GSE1: variants seen among roughly 807,000 people sequenced by gnomAD.
The protein encoded by GSE1 is Gse1 coiled-coil protein, also known as genetic suppressor element 1.
A neutral mutation model predicts 112.6 loss-of-function variants in GSE1; 32 were observed. That is an observed-to-expected ratio of 0.28 (90% CI 0.21 to 0.38). The LOEUF (loss-of-function observed/expected upper bound fraction) is 0.38. Among genes scored for constraint, GSE1 ranks in the 10% least tolerant of loss-of-function variants. GSE1 has a pLI of 1.00. For synonymous variants in GSE1, 1,115 were observed against 735.6 expected (o/e 1.52, Z -8.35); for missense variants, 2,348 against 1,699.2 (o/e 1.38, Z -6.71).
chr16:85,241,145 C>T (rs1567632414), intron 1 of GSE1, among the ~76,000 whole-genome samples: 1 of 151,942 alleles, frequency 6.6e-6, no homozygotes, highest in Non-Finnish European at 1.5e-5. Context: ...CTGATACTTC[C>T]TAGCTGCGTG....
At chr16:85,498,763 G>A (rs1404281197) in intron 2 of GSE1, among the ~76,000 whole-genome samples, 1 of 152,242 alleles carries the variant, frequency 6.6e-6, no homozygotes, top group Admixed American at 6.5e-5. Flanking sequence ...CTTCGGCTTG[G>A]GCAGTGGTGC....
intron 1 of GSE1, among the ~76,000 whole-genome samples, chr16:85,626,194 C>T (rs1326565698): frequency 6.6e-6 from 1 of 151,970 alleles, no homozygotes; most frequent in Non-Finnish European, 1.5e-5. Context: ...AGCAAGAAGA[C>T]CTCTCCCCAG....
intron 2 of GSE1, among the ~76,000 whole-genome samples, chr16:85,372,377 G>T (rs2047319105): frequency 6.6e-6 from 1 of 151,700 alleles, no homozygotes; most frequent in South Asian, 2.1e-4. Flanking sequence ...TACCCTGGAG[G>T]CTGAGGTGGG....
chr16:85,504,028 C>T (rs1456749108), intron 2 of GSE1, among the ~76,000 whole-genome samples: 5 of 152,338 alleles, frequency 3.3e-5, no homozygotes, highest in Non-Finnish European at 7.3e-5. Context: ...TGCAGAAAAG[C>T]GCCATCCTCC....
At chr16:85,665,212 C>T in intron 12 of GSE1, 84 bp downstream of exon 12, 1 of 745,532 alleles carries the variant, frequency 1.3e-6, no homozygotes, top group Non-Finnish European at 2.3e-6. Flanking sequence ...TCGAGGTCTT[C>T]ATCATTGTGA....
upstream of GSE1, among the ~76,000 whole-genome samples, chr16:85,606,625 C>A (rs1431890825): frequency 1.3e-5 from 2 of 152,234 alleles, no homozygotes; most frequent in African/African-American, 2.4e-5. Flanking sequence ...AGCAGTTGAG[C>A]CAGGCCCACC....
rs559120289 is a variant in GSE1 at position 85,299,767 on chromosome 16, A to G, written c.2284-57696A>G. On this transcript the variant is annotated intron_variant, in intron 1 of 2. Coordinates refer to the GSE1 transcript ENST00000637419. The stretch of plus-strand genomic sequence containing the variant: ...ACATAGTGGGACTCTGTCTCTATAA[A>G]AAATTTTAAAAATAAGAAAAAATTT... 1.1e-4 allele frequency among the ~76,000 whole-genome samples: 17 copies of G among 152,176 alleles called. 1 individual carries two copies. In the South Asian group the frequency reaches 3.5e-3, roughly 32 times the overall value.
At chr16:85,360,700 A>T (rs550413379) in intron 2 of GSE1, among the ~76,000 whole-genome samples, 30 of 152,128 alleles carry the variant, frequency 2.0e-4, no homozygotes, top group African/African-American at 7.2e-4. Context: ...CAGTACATAC[A>T]CGCAAACACA....
At chr16:85,450,523 C>T (rs1373680249) in intron 2 of GSE1, among the ~76,000 whole-genome samples, 1 of 151,854 alleles carries the variant, frequency 6.6e-6, no homozygotes, top group Non-Finnish European at 1.5e-5. Context: ...GATCTCGGCT[C>T]ACTGCAGACT....
intron 2 of GSE1, among the ~76,000 whole-genome samples, chr16:85,462,679 A>C: frequency 8.2e-5 from 1 of 12,236 alleles, no homozygotes; most frequent in East Asian, 2.4e-3. Context: ...CGGGCGGGGG[A>C]GGGCGGCGGG....
At chr16:85,512,637 C>G (rs1425902504) in intron 2 of GSE1, among the ~76,000 whole-genome samples, 1 of 152,134 alleles carries the variant, frequency 6.6e-6, no homozygotes, top group African/African-American at 2.4e-5. Flanking sequence ...GTAAGAGCTA[C>G]TTTATATAAA....
chr16:85,634,093 G>C lies in GSE1; in HGVS notation c.187G>C (p.Ala63Pro). 6.3e-7 allele frequency: 1 copy of C among 1,588,514 alleles called. No homozygotes were observed. The highest frequency in any genetic ancestry group is 8.5e-7 in the Non-Finnish European group (1 of 1,169,746). ...CGCGCCATCCTCCAGCTTTGCCGCC[G>C]CGCTGCGCAAGCTCGCCAAACAGGC... ...QAAPSSSFAA[A>P]LRKLAKQAEE... The change falls in exon 2 of 16, where the codon GCG (alanine) becomes CCG (proline). Residue 63 changes from alanine to proline, a missense_variant. Ala to Pro is a conservative substitution (Grantham distance 27). Transcript: ENST00000253458.
intron 1 of GSE1, among the ~76,000 whole-genome samples, chr16:85,604,508 G>A (rs2047598582): frequency 6.6e-6 from 1 of 151,656 alleles, no homozygotes; most frequent in Middle Eastern, 3.2e-3. Context: ...TATGTTTCAT[G>A]CCTCACTGTG....
intron 2 of GSE1, among the ~76,000 whole-genome samples, chr16:85,464,518 C>G (rs995265879): frequency 6.6e-6 from 1 of 152,250 alleles, no homozygotes; most frequent in Non-Finnish European, 1.5e-5. Context: ...AGCCCCCAGA[C>G]GGCCTCACCA....
Position 85,589,871 on chromosome 16 carries a change from A to G in GSE1, c.37+33508A>G, listed in dbSNP as rs368066657. On this transcript the variant is annotated intron_variant, in intron 1 of 2. Coordinates refer to the GSE1 transcript ENST00000635906. ...GTGTGAGATATTGTGAACATGTGAC[A>G]GAGACATTGTGTGTGAAGGAATGTG... Among the ~76,000 whole-genome samples the G allele has an allele frequency of 2.6e-5, 4 of 151,816 alleles. 1 individual carries two copies. The highest frequency in any genetic ancestry group is 2.0e-4 in the Admixed American group (3 of 15,246).
intron 2 of GSE1, among the ~76,000 whole-genome samples, chr16:85,359,890 C>A (rs766460032): frequency 2.0e-5 from 3 of 152,102 alleles, no homozygotes; most frequent in Admixed American, 2.0e-4. Flanking sequence ...AAAAATTAGC[C>A]GGGCATGGTG....
chr16:85,488,072 G>T (rs1486196238), intron 2 of GSE1, among the ~76,000 whole-genome samples: 1 of 152,118 alleles, frequency 6.6e-6, no homozygotes, highest in African/African-American at 2.4e-5. Context: ...GGAGTCTGTG[G>T]CTGTCCTCGC....
At chr16:85,623,053 T>G (rs1300537929) in intron 1 of GSE1, among the ~76,000 whole-genome samples, 1 of 152,066 alleles carries the variant, frequency 6.6e-6, no homozygotes, top group African/African-American at 2.4e-5. Flanking sequence ...GGGCTGTGGT[T>G]TTTATGGCTT....
intron 2 of GSE1, among the ~76,000 whole-genome samples, chr16:85,505,582 C>T (rs2051510436): frequency 6.6e-6 from 1 of 152,198 alleles, no homozygotes. Context: ...GTGTCCATCG[C>T]TGTGAAATAG....
Sources: gnomAD v4.1 joint callset for allele counts (sites outside exome capture counted in the v4.1 genomes callset) on GRCh38, gnomAD v4.1.1 for gene constraint, MANE v1.5 for transcripts, NCBI Gene and HGNC (gene_info 2026-07-23, HGNC 2026-07-21) for gene names.